The following CASK variants were observed in gnomAD, a reference collection of about 807,000 sequenced individuals.
The protein encoded by CASK is peripheral plasma membrane protein CASK.
Under a neutral mutation model 82.9 loss-of-function variants are expected in CASK, and 4 were observed. That is an observed-to-expected ratio of 0.05 (90% confidence interval 0.02 to 0.11). The LOEUF is 0.11. CASK is among the 10% of genes least tolerant of loss of function. The pLI, the probability that CASK is intolerant of heterozygous loss-of-function variation, is 1.00. For missense variants in CASK, 358 were observed against 720.9 expected (o/e 0.50, Z 5.76); for synonymous variants, 259 against 253.5 (o/e 1.02, Z -0.20).
At chrX:41,630,892 T>C (rs1002210194) in intron 9 of CASK, among the ~76,000 whole-genome samples, 4 of 112,013 alleles carry the variant, frequency 3.6e-5, no homozygotes, top group Non-Finnish European at 7.5e-5. Context: ...GGGTTGATTA[T>C]ACTTAATAAT....
intron 2 of CASK, among the ~76,000 whole-genome samples, chrX:41,797,408 C>G (rs959147499): frequency 1.8e-5 from 2 of 110,404 alleles, no homozygotes; most frequent in Non-Finnish European, 3.8e-5. Flanking sequence ...GAGGCATACC[C>G]TGCTGCAATC....
chrX:41,793,551 A>G (rs1415513294), intron 2 of CASK, among the ~76,000 whole-genome samples: 1 of 111,985 alleles, frequency 8.9e-6, no homozygotes, highest in Non-Finnish European at 1.9e-5. Flanking sequence ...TAACAAATAT[A>G]CAAGTATTCT....
chrX:41,770,536 G>A (rs986683871), intron 3 of CASK, among the ~76,000 whole-genome samples: 16 of 110,223 alleles, frequency 1.5e-4, no homozygotes, highest in African/African-American at 4.3e-4. Flanking sequence ...ACAGGTGCTC[G>A]CCACCACGTC....
chrX:41,674,980 T>C (rs898535565), intron 5 of CASK, among the ~76,000 whole-genome samples: 2 of 110,793 alleles, frequency 1.8e-5, no homozygotes, highest in African/African-American at 6.6e-5. Flanking sequence ...GTTAAATACA[T>C]GGGTTTTTGT....
intron 1 of CASK, among the ~76,000 whole-genome samples, chrX:41,890,767 G>T (rs1012142295): frequency 8.9e-6 from 1 of 111,920 alleles, no homozygotes; most frequent in African/African-American, 3.3e-5. Context: ...TGCTGACAGG[G>T]TACTGTGTAG....
intron 11 of CASK, among the ~76,000 whole-genome samples, chrX:41,611,591 G>T (rs1300549542): frequency 9.6e-6 from 1 of 104,445 alleles, no homozygotes; most frequent in Admixed American, 1.0e-4. Context: ...TAGAATTCAA[G>T]AAAGCAGCTC....
chrX:41,732,038 A>C (rs2068407441), intron 5 of CASK, among the ~76,000 whole-genome samples: 1 of 108,517 alleles, frequency 9.2e-6, no homozygotes, highest in Admixed American at 9.9e-5. Context: ...AGCCTCCCAA[A>C]GTTTTGAGAT....
At chrX:41,587,111 CTT>C (rs1438553088) in intron 13 of CASK, 124 bp from the exon 14 acceptor site, 4 of 472,348 alleles carry the variant, frequency 8.5e-6, no homozygotes, top group African/African-American at 7.3e-5. Context: ...TTTTGAAAAA[CTT>C]TTCATTTTAT....
intron 2 of CASK, among the ~76,000 whole-genome samples, chrX:41,818,941 A>T (rs977121166): frequency 6.3e-5 from 7 of 111,117 alleles, no homozygotes; most frequent in Admixed American, 2.9e-4. Context: ...AATTTCTATT[A>T]AAAAAAAGGA....
intron 3 of CASK, among the ~76,000 whole-genome samples, chrX:41,785,762 T>C (rs772727559): frequency 1.2e-3 from 132 of 112,215 alleles, no homozygotes; most frequent in Non-Finnish European, 1.0e-3. Flanking sequence ...GTGAAATGCC[T>C]CCCAGTGATC....
chrX:41,880,219 G>C (rs1306148699), intron 1 of CASK, among the ~76,000 whole-genome samples: 1 of 111,673 alleles, frequency 9.0e-6, no homozygotes, highest in African/African-American at 3.2e-5. Context: ...TAAACAAATG[G>C]AAGTACAGGT....
rs188268628 is a variant in CASK at position 41,890,515 on chromosome X, A to G, written c.59+32415T>C. On this transcript the variant is annotated intron_variant, in intron 1 of 26. Transcript: ENST00000378163. ...AACAAAATAAATTTCAGATGAACTA[A>G]AGAGTTAAATGTATGAATCAAAAGA... is the stretch of plus-strand genomic sequence containing the variant. Among the ~76,000 whole-genome samples the G allele has an allele frequency of 1.1e-4, 12 of 112,183 alleles. No individual in the cohort carries two copies. In the East Asian group the frequency reaches 3.1e-3, roughly 29 times the overall value.
chrX:41,669,396 T>C (rs1479186007), intron 6 of CASK, among the ~76,000 whole-genome samples: 1 of 110,927 alleles, frequency 9.0e-6, no homozygotes, highest in Non-Finnish European at 1.9e-5. Context: ...AGATGTACAA[T>C]AAAATACGAA....
At chrX:41,718,411 C>A (rs755087610) in intron 5 of CASK, among the ~76,000 whole-genome samples, 37 of 112,847 alleles carry the variant, frequency 3.3e-4, no homozygotes, top group African/African-American at 1.1e-3. Context: ...CAACCTGGGG[C>A]TTGCCACTGG....
At chrX:41,779,712 T>A (rs2069437351) in intron 3 of CASK, among the ~76,000 whole-genome samples, 1 of 111,691 alleles carries the variant, frequency 9.0e-6, no homozygotes, top group South Asian at 3.7e-4. Flanking sequence ...ACAGTACAGA[T>A]ATTTATTGCT....
intron 1 of CASK, among the ~76,000 whole-genome samples, chrX:41,893,008 T>A (rs2072202524): frequency 8.9e-6 from 1 of 111,979 alleles, no homozygotes; most frequent in Admixed American, 9.4e-5. Context: ...ATTCAAATGA[T>A]GAGAGCCAGT....
intron 14 of CASK, among the ~76,000 whole-genome samples, chrX:41,580,353 G>T: frequency 9.0e-6 from 1 of 111,450 alleles, no homozygotes. Flanking sequence ...GATCATTCTT[G>T]TATTTTTTGT....
chrX:41,535,108 T>C, intron 22 of CASK, 135 bp from the exon 23 acceptor site: 1 of 461,479 alleles, frequency 2.2e-6, no homozygotes, highest in Non-Finnish European at 3.7e-6. Flanking sequence ...TTATGATATA[T>C]GGCTTACATG....
intron 5 of CASK, among the ~76,000 whole-genome samples, chrX:41,709,660 T>C (rs1435913804): frequency 9.0e-6 from 1 of 111,431 alleles, no homozygotes; most frequent in African/African-American, 3.3e-5. Flanking sequence ...TTTCTAAAAT[T>C]ATATGAATAT....
Sources: allele counts gnomAD v4.1 joint callset (sites outside exome capture counted in the v4.1 genomes callset), GRCh38; gene constraint gnomAD v4.1.1; transcripts MANE v1.5; gene names NCBI Gene and HGNC (gene_info 2026-07-23, HGNC 2026-07-21).